TRPM3: variants seen among roughly 807,000 people sequenced by gnomAD.
TRPM3 encodes long transient receptor potential channel 3.
A neutral mutation model predicts 181.2 loss-of-function variants in TRPM3; 77 were observed. That is an observed-to-expected ratio of 0.42 (90% confidence interval 0.35 to 0.51). The LOEUF is 0.51. TRPM3 is among the 20% of genes least tolerant of loss of function. The pLI is 0.01. For missense variants in TRPM3, 1,759 were observed against 2,196.7 expected, an observed-to-expected ratio of 0.80 and a Z score of 3.98; for synonymous variants, 745 against 796.4, an observed-to-expected ratio of 0.94 and a Z score of 1.09.
intron 1 of TRPM3, among the ~76,000 whole-genome samples, chr9:70,957,989 A>G (rs1183040883): frequency 6.6e-6 from 1 of 152,244 alleles, no homozygotes; most frequent in African/African-American, 2.4e-5. Flanking sequence ...GGCTTTAGCA[A>G]CCAGAAAATT....
intron 1 of TRPM3, among the ~76,000 whole-genome samples, chr9:71,096,799 G>A (rs1282517581): frequency 6.6e-6 from 1 of 151,992 alleles, no homozygotes; most frequent in East Asian, 1.9e-4. Context: ...GTAAATTTAT[G>A]TTTCTGAAGC....
intron 1 of TRPM3, among the ~76,000 whole-genome samples, chr9:71,386,575 T>A (rs894470056): frequency 2.0e-5 from 3 of 152,148 alleles, no homozygotes; most frequent in Non-Finnish European, 4.4e-5. Flanking sequence ...AAGGTACAGA[T>A]GTATCTGGTA....
At chr9:71,260,306 A>G (rs1198185279) in intron 1 of TRPM3, among the ~76,000 whole-genome samples, 1 of 152,140 alleles carries the variant, frequency 6.6e-6, no homozygotes, top group Non-Finnish European at 1.5e-5. Flanking sequence ...CTTTGAAGTC[A>G]GGTAGTGTGA....
chr9:70,888,512 G>T (rs1050198136), intron 1 of TRPM3, among the ~76,000 whole-genome samples: 1 of 151,708 alleles, frequency 6.6e-6, no homozygotes, highest in Non-Finnish European at 1.5e-5. Flanking sequence ...TTATTAGAAG[G>T]GTTTTACTCT....
At chr9:70,862,875 C>T (rs758977396) in intron 3 of TRPM3, 33 bp downstream of exon 3, 1 of 1,606,080 alleles carries the variant, frequency 6.2e-7, no homozygotes, top group Non-Finnish European at 8.5e-7. Context: ...CTTGAGATAG[C>T]ATTTGGGAGC....
chr9:71,293,666 T>C (rs2086016050), intron 1 of TRPM3, among the ~76,000 whole-genome samples: 1 of 151,888 alleles, frequency 6.6e-6, no homozygotes, highest in African/African-American at 2.4e-5. Context: ...GATCTATACT[T>C]TTAATGCAAT....
chr9:71,190,051 C>T (rs1476760330), intron 1 of TRPM3, among the ~76,000 whole-genome samples: 1 of 151,826 alleles, frequency 6.6e-6, no homozygotes, highest in African/African-American at 2.4e-5. Context: ...TTTCAAGTTA[C>T]AAACTGATTT....
At chr9:70,648,632 C>A (rs1369468843) in intron 9 of TRPM3, among the ~76,000 whole-genome samples, 4 of 147,788 alleles carry the variant, frequency 2.7e-5, no homozygotes, top group African/African-American at 5.0e-5. Context: ...CATACTAGTA[C>A]AAAAAAAAAA....
intron 10 of TRPM3, among the ~76,000 whole-genome samples, chr9:70,639,755 G>C (rs966726103): frequency 3.9e-5 from 6 of 152,166 alleles, no homozygotes; most frequent in African/African-American, 1.2e-4. Context: ...TTTGCCAATA[G>C]CTTAGATTTT....
intron 1 of TRPM3, among the ~76,000 whole-genome samples, chr9:71,286,969 A>AGT (rs1730153125): frequency 8.0e-6 from 1 of 124,918 alleles, no homozygotes; most frequent in South Asian, 2.2e-4. Context: ...AATTATATAT[A>AGT]ATATAATTAT....
intron 1 of TRPM3, among the ~76,000 whole-genome samples, chr9:71,046,894 C>T (rs2059503289): frequency 1.3e-5 from 2 of 152,096 alleles, no homozygotes; most frequent in African/African-American, 4.8e-5. Flanking sequence ...TTGTTTTTTT[C>T]TAAATGCCAT....
intron 1 of TRPM3, among the ~76,000 whole-genome samples, chr9:71,208,878 TGAA>T (rs2131784324): frequency 6.6e-6 from 1 of 152,314 alleles, no homozygotes; most frequent in Non-Finnish European, 1.5e-5. Context: ...CAAATTATTA[TGAA>T]GTTTTATCAC....
In TRPM3 at chr9:71,356,907, A is replaced by T. The variant is rs1037569923; in HGVS notation, c.183+89746T>A. On this transcript the variant is annotated intron_variant, in intron 1 of 24. Transcript: ENST00000357533. Reference sequence around the variant, plus strand: ...TCCTATTCCCCAAGGCCCTTATTGCATTAAGACCTAGGACAGAAATGTAGA... The same window carrying T: ...TCCTATTCCCCAAGGCCCTTATTGCTTTAAGACCTAGGACAGAAATGTAGA... Among the ~76,000 whole-genome samples, 18 of 152,134 alleles carry T rather than the reference A, an allele frequency of 1.2e-4. 1 individual carries two copies. The highest frequency in any genetic ancestry group is 2.6e-4 in the Admixed American group (4 of 15,266).
intron 1 of TRPM3, among the ~76,000 whole-genome samples, chr9:71,134,012 T>C (rs10868954): frequency 0.6 from 78,807 of 131,328 alleles, 21,070 homozygotes; most frequent in African/African-American, 0.67. Flanking sequence ...TGTGTGTGTG[T>C]GTGCGCGTGC....
At chr9:70,823,121 C>T (rs759841347) in intron 6 of TRPM3, among the ~76,000 whole-genome samples, 2 of 152,114 alleles carry the variant, frequency 1.3e-5, no homozygotes, top group African/African-American at 2.4e-5. Flanking sequence ...GCTTCCCCTG[C>T]AGTGCTCCCC....
chr9:71,086,036 TCTC>T, intron 1 of TRPM3, among the ~76,000 whole-genome samples: 1 of 151,918 alleles, frequency 6.6e-6, no homozygotes, highest in Middle Eastern at 3.4e-3. Context: ...AACAAAATCA[TCTC>T]CTTTGCAGCA....
At chr9:71,152,362 T>C (rs1348546419) in intron 1 of TRPM3, among the ~76,000 whole-genome samples, 1 of 152,164 alleles carries the variant, frequency 6.6e-6, no homozygotes, top group African/African-American at 2.4e-5. Context: ...ACTTGACAAA[T>C]GTCCTTATAA....
intron 11 of TRPM3, 124 bp from the exon 12 acceptor site, chr9:70,635,385 C>G: frequency 1.5e-6 from 1 of 688,032 alleles, no homozygotes; most frequent in Non-Finnish European, 2.5e-6. Flanking sequence ...GGACCTTGTT[C>G]TAGTTGCTCA....
rs1156702274 is a variant in TRPM3 at position 70,972,850 on chromosome 9, G to A, written c.178-108339C>T. 3.3e-5 allele frequency among the ~76,000 whole-genome samples: 5 copies of A among 152,012 alleles called. No homozygotes were observed. The East Asian group carries it at 9.6e-4, about 29-fold the overall frequency. Reference sequence around the variant, plus strand: ...GATCCACCAATATTTATTATTTTCTGGGGATGTTGGTATATCTAAAGGATC... The same window carrying A: ...GATCCACCAATATTTATTATTTTCTAGGGATGTTGGTATATCTAAAGGATC... On this transcript the variant is annotated intron_variant, in intron 1 of 25. Transcript: ENST00000677713.
Sources: gnomAD v4.1 joint callset for allele counts (sites outside exome capture counted in the v4.1 genomes callset) on GRCh38, gnomAD v4.1.1 for gene constraint, MANE v1.5 for transcripts, NCBI Gene and HGNC (gene_info 2026-07-23, HGNC 2026-07-21) for gene names.